The following CPLANE1 variants were observed in gnomAD, a reference collection of about 807,000 sequenced individuals.
The protein encoded by CPLANE1 is ciliogenesis and planar polarity effector complex subunit 1.
A neutral mutation model predicts 362.5 loss-of-function variants in CPLANE1; 263 were observed. The ratio of observed to expected loss-of-function variants is 0.73; its 90% CI spans 0.66 to 0.80. The LOEUF (loss-of-function observed/expected upper bound fraction) is 0.80. CPLANE1 is among the 30% of genes least tolerant of loss of function. CPLANE1 has a pLI of 0.00. For synonymous variants in CPLANE1, 1,212 were observed against 1,302.6 expected (o/e 0.93, Z 1.50); for missense variants, 3,461 against 3,793.4 (o/e 0.91, Z 2.30).
At chr5:37,201,287 A>G (rs187086440) in intron 19 of CPLANE1, among the ~76,000 whole-genome samples, 16 of 152,368 alleles carry the variant, frequency 1.1e-4, no homozygotes, top group Admixed American at 2.6e-4. Context: ...AATAATTTTA[A>G]CATTTATTGA....
intron 21 of CPLANE1, among the ~76,000 whole-genome samples, chr5:37,192,382 C>G (rs1035650692): frequency 6.6e-6 from 1 of 152,074 alleles, no homozygotes; most frequent in Non-Finnish European, 1.5e-5. Flanking sequence ...AAGCAAAAGG[C>G]CGTATCACAT....
chr5:37,196,666 C>T (rs1190176815), intron 20 of CPLANE1, among the ~76,000 whole-genome samples: 1 of 152,174 alleles, frequency 6.6e-6, no homozygotes, highest in African/African-American at 2.4e-5. Context: ...TGGATCACAC[C>T]TGTAATCCCA....
chr5:37,079,229 T>A, the CPLANE1 span, among the ~76,000 whole-genome samples: 1 of 152,172 alleles, frequency 6.6e-6, no homozygotes, highest in Admixed American at 6.5e-5. Context: ...AATTTTTGTA[T>A]GAAGGTGTAA....
chr5:37,188,347 A>C (rs189718077), intron 21 of CPLANE1, among the ~76,000 whole-genome samples: 1 of 152,228 alleles, frequency 6.6e-6, no homozygotes, highest in Admixed American at 6.5e-5. Flanking sequence ...TTAAATTTCT[A>C]TTATAGTTAA....
intron 47 of CPLANE1, chr5:37,125,002 G>A: frequency 7.9e-7 from 1 of 1,261,120 alleles, no homozygotes; most frequent in Non-Finnish European, 9.9e-7. Context: ...AAATGCTATA[G>A]CCATCATTAG....
chr5:37,199,989 T>A (rs1417733330), intron 19 of CPLANE1, among the ~76,000 whole-genome samples: 1 of 152,218 alleles, frequency 6.6e-6, no homozygotes, highest in Non-Finnish European at 1.5e-5. Context: ...ACTGTGCCCA[T>A]GGACATGGAC....
At chr5:37,178,554 A>G (rs1781828130) in intron 29 of CPLANE1, among the ~76,000 whole-genome samples, 1 of 151,584 alleles carries the variant, frequency 6.6e-6, no homozygotes. Flanking sequence ...TCCAGGCTGC[A>G]GTGAGCCATG....
chr5:37,197,188 G>C (rs1387016660), intron 20 of CPLANE1, among the ~76,000 whole-genome samples: 1 of 152,032 alleles, frequency 6.6e-6, no homozygotes, highest in African/African-American at 2.4e-5. Flanking sequence ...ATTTGGAGAT[G>C]ATAAAATTTA....
At chr5:37,141,446 G>A (rs1210708272) in intron 44 of CPLANE1, 7 of 984,256 alleles carry the variant, frequency 7.1e-6, no homozygotes, top group African/African-American at 1.7e-5. Flanking sequence ...TTGTGAAGTG[G>A]AAATTATTAT....
rs780885166 is a variant in CPLANE1, at chr5:37,180,901, A to G, written c.5526T>C (p.Thr1842=). ...ATTTATTCTGACCATTTCTTTCCTC[A>G]GTTCCACCTGGAGTTGCTACTGCAA... ...GSVAVATPGG[T]EERNGQNKSC... Residue 1842 remains threonine (T), a synonymous_variant, in exon 27 of 53, where the codon ACT becomes ACC. Transcript: ENST00000651892. The G allele has an allele frequency of 1.5e-5, 25 of 1,613,996 alleles. No individual in the cohort carries two copies. Among genetic ancestry groups the G allele is most frequent in the East Asian group, 2.2e-5 (1 of 44,890 alleles).
chr5:37,154,162 TAAG>T (rs2150628642), intron 41 of CPLANE1, among the ~76,000 whole-genome samples, 169 bp from the exon 42 acceptor site: 1 of 152,286 alleles, frequency 6.6e-6, no homozygotes, highest in East Asian at 1.9e-4. Flanking sequence ...ATTTCTGGGA[TAAG>T]AATACATAAA....
chr5:37,112,242 T>C (rs1759563565), intron 51 of CPLANE1, among the ~76,000 whole-genome samples: 1 of 152,258 alleles, frequency 6.6e-6, no homozygotes. Context: ...CATTTTAGGA[T>C]AAATCTTCAC....
chr5:37,241,698 C>T (rs539482631), intron 6 of CPLANE1, among the ~76,000 whole-genome samples: 1 of 152,254 alleles, frequency 6.6e-6, no homozygotes, highest in Admixed American at 6.5e-5. Flanking sequence ...ACGATTTGAA[C>T]TCACTGCAAC....
rs373599464 is a variant in CPLANE1 at position 37,193,078 on chromosome 5, A to C, written c.3811+2780T>G. ...GCTACTCAGGAGGCTGAGGCGGAGA[A>C]TTGCTTGAACCTGGAGGCAGAGGTT... On this transcript the variant is annotated intron_variant, in intron 21 of 52. Transcript: ENST00000651892. 2.7e-4 allele frequency among the ~76,000 whole-genome samples: 40 copies of C among 148,184 alleles called. 2 individuals carry two copies. In the South Asian group the frequency reaches 9.3e-3, roughly 34 times the overall value.
rs891188564 is a variant in CPLANE1 at position 37,244,661 on chromosome 5, A to G, written c.338-54T>C. ...GCCTCTGAAGTCTGAATTCCCCCCA[A>G]TAAAGTACATAATTTATGTATTCTT... On this transcript the variant is annotated intron_variant, in intron 4 of 52. Coordinates refer to ENST00000651892, the MANE Select transcript of CPLANE1 (RefSeq NM_001384732.1). 11 of 952,358 alleles carry G rather than the reference A, an allele frequency of 1.2e-5. No individual in the cohort carries two copies. In the African/African-American group the frequency reaches 1.5e-4, roughly 13 times the overall value. 59.0% of individuals were successfully genotyped at this position (952,358 alleles called of 1,614,324 possible).
At chr5:37,227,896 G>A in intron 9 of CPLANE1, 79 bp from the exon 10 acceptor site, 1 of 1,354,498 alleles carries the variant, frequency 7.4e-7, no homozygotes, top group Non-Finnish European at 9.8e-7. Flanking sequence ...CAAAAAAGAA[G>A]AAAAAGTTAC....
At chr5:37,218,987 G>T (rs78329315) in intron 15 of CPLANE1, among the ~76,000 whole-genome samples, 17,720 of 151,786 alleles carry the variant, frequency 0.12, 1,099 homozygotes, top group Admixed American at 0.16. Context: ...ATTACTACAG[G>T]TTCAACTTAT....
chr5:37,123,481 A>G (rs1239133452), intron 47 of CPLANE1, among the ~76,000 whole-genome samples: 1 of 152,198 alleles, frequency 6.6e-6, no homozygotes, highest in African/African-American at 2.4e-5. Context: ...CAAAACAAAA[A>G]AAGTGTTTGC....
At chr5:37,148,369 AGTG>A in intron 42 of CPLANE1, 101 bp from the exon 43 acceptor site, 1 of 774,136 alleles carries the variant, frequency 1.3e-6, no homozygotes, top group Admixed American at 3.0e-5. Context: ...TTAATGCAAA[AGTG>A]AAAAAAATGG....
Sources: gnomAD v4.1 joint callset for allele counts (sites outside exome capture counted in the v4.1 genomes callset) on GRCh38, gnomAD v4.1.1 for gene constraint, MANE v1.5 for transcripts, NCBI Gene and HGNC (gene_info 2026-07-23, HGNC 2026-07-21) for gene names.